The following ARAP3 variants were observed in gnomAD, a reference collection of about 807,000 sequenced individuals.
ARAP3 encodes the protein arf-GAP with Rho-GAP domain, ANK repeat and PH domain-containing protein 3.
A neutral mutation model predicts 169.2 loss-of-function variants in ARAP3; 82 were observed. That is an observed-to-expected ratio of 0.48 (90% CI 0.41 to 0.58). The LOEUF is 0.58. Among genes scored for constraint, ARAP3 ranks in the 20% least tolerant of loss-of-function variants. The pLI, the probability that ARAP3 is intolerant of heterozygous loss-of-function variation, is 0.00. For synonymous variants in ARAP3, 791 were observed against 800.3 expected, an observed-to-expected ratio of 0.99 and a Z score of 0.20; for missense variants, 1,764 against 2,018.0, an observed-to-expected ratio of 0.87 and a Z score of 2.41.
In ARAP3 at chr5:141,662,383, A is replaced by G. The variant is rs542914905; in HGVS notation, c.2801-128T>C. On this transcript the variant is annotated intron_variant, in intron 19 of 32. Coordinates refer to ENST00000239440, the MANE Select transcript of ARAP3 (RefSeq NM_022481.6). ...ATGGGATTCAGAGAGGAGGAGATCTATGCCTCCATGTTCTTGATTCTCAGG... is the reference window on the plus strand; with the variant it reads ...ATGGGATTCAGAGAGGAGGAGATCTGTGCCTCCATGTTCTTGATTCTCAGG... 4 of 836,174 alleles carry G rather than the reference A, an allele frequency of 4.8e-6. No individual in the cohort carries two copies. The African/African-American group carries it at 6.8e-5, about 14-fold the overall frequency. 51.8% of individuals were successfully genotyped at this position (836,174 alleles called of 1,614,324 possible). A position where few individuals can be genotyped will look rare whatever the true frequency, so the allele number is the denominator to read the frequency against.
intron 27 of ARAP3, 49 bp downstream of exon 27, chr5:141,656,455 C>T (rs751579549): frequency 1.3e-5 from 21 of 1,595,102 alleles, no homozygotes; most frequent in African/African-American, 4.0e-5. Flanking sequence ...AGTCATGGCT[C>T]CTCTCCATGG....
chr5:141,669,948 G>A lies in ARAP3; in HGVS notation c.2223C>T (p.Ser741=). The A allele has an allele frequency of 2.5e-6, 4 of 1,600,282 alleles. No homozygotes were observed. The highest frequency in any genetic ancestry group is 3.4e-6 in the Non-Finnish European group (4 of 1,173,566). ...QPQDIVCLGV[S]PPPTDPGDRF... is the part of the protein sequence containing the mutation. The stretch of plus-strand genomic sequence containing the variant: ...TGTCACCTGGGTCAGTGGGTGGGGG[G>A]CTCACACCCAGACATACAATATCCT... Residue 741 remains serine (S), a synonymous_variant, in exon 15 of 33, where the codon AGC becomes AGT. Coordinates refer to ENST00000239440, the MANE Select transcript of ARAP3 (RefSeq NM_022481.6).
intron 19 of ARAP3, among the ~76,000 whole-genome samples, chr5:141,663,738 A>T (rs1036543823): frequency 3.9e-4 from 59 of 152,362 alleles, no homozygotes; most frequent in Admixed American, 2.6e-4. Flanking sequence ...GTTATTAGCC[A>T]CTGACTTTCC....
At chr5:141,678,976 G>A (rs2099912596) in intron 4 of ARAP3, among the ~76,000 whole-genome samples, 1 of 152,106 alleles carries the variant, frequency 6.6e-6, no homozygotes, top group African/African-American at 2.4e-5. Flanking sequence ...ATAAATATTT[G>A]TTGAATGAAA....
intron 21 of ARAP3, 53 bp downstream of exon 21, chr5:141,661,631 C>T: frequency 6.7e-7 from 1 of 1,487,008 alleles, no homozygotes; most frequent in Non-Finnish European, 9.3e-7. Flanking sequence ...AATGAAAGTG[C>T]AGGGTCAGAT....
At chr5:141,681,926 A>G (rs2099913058) in intron 1 of ARAP3, among the ~76,000 whole-genome samples, 1 of 142,818 alleles carries the variant, frequency 7.0e-6, no homozygotes, top group East Asian at 2.2e-4. Context: ...CGGGGCTGGG[A>G]GCTGAGGTGC....
Position 141,672,899 on chromosome 5 carries a change from G to C in ARAP3, c.1120C>G (p.Leu374Val). 1 of 1,609,414 alleles carries C rather than the reference G, an allele frequency of 6.2e-7. No individual in the cohort carries two copies. The highest frequency in any genetic ancestry group is 2.2e-5 in the East Asian group (1 of 44,702). The change falls in exon 8 of 33, where the codon CTG (leucine) becomes GTG (valine). Residue 374 changes from leucine (L) to valine (V), a missense_variant. Leu to Val is a conservative substitution (Grantham distance 32, BLOSUM62 1). Coordinates refer to ENST00000239440, the MANE Select transcript of ARAP3 (RefSeq NM_022481.6). The surrounding 1 kb of genome is among the most constrained non-coding windows in gnomAD (Gnocchi z 4.9). The part of the protein sequence containing the change: ...EAQRDMWCST[L>V]QSCLKEQRLL... The stretch of plus-strand genomic sequence containing the variant: ...CGCTGCTCCTTCAGACAGGACTGCA[G>C]CGTGGAGCACCACATGTCCCGCTGA...
rs1374239923 is a variant in ARAP3 at position 141,670,495 on chromosome 5, C to A, written c.2107+17G>T. ...CTTTCTGTCCCTGTATCCTCCCATC[C>A]CTTGGCTCCCCCTCACCATCCCGGC... On this transcript the variant is annotated intron_variant, in intron 14 of 32. Transcript: ENST00000239440. The A allele has an allele frequency of 6.2e-7, 1 of 1,609,204 alleles. No individual in the cohort carries two copies. The highest frequency in any genetic ancestry group is 1.3e-5 in the African/African-American group (1 of 74,818).
chr5:141,655,208 CA>C (rs2099909076), intron 32 of ARAP3, among the ~76,000 whole-genome samples, 153 bp downstream of exon 32: 1 of 132,162 alleles, frequency 7.6e-6, no homozygotes, highest in Non-Finnish European at 1.6e-5. Flanking sequence ...CACACACACA[CA>C]CACACCCTGA....
Position 141,656,490 on chromosome 5 carries a change from C to T in ARAP3, c.3789+14G>A, listed in dbSNP as rs376087570. 11 of 1,608,776 alleles carry T rather than the reference C, an allele frequency of 6.8e-6. No individual in the cohort carries two copies. In the African/African-American group the frequency reaches 9.4e-5, roughly 14 times the overall value. On this transcript the variant is annotated intron_variant, in intron 27 of 32. Coordinates refer to ENST00000239440, the MANE Select transcript of ARAP3 (RefSeq NM_022481.6). ...GCCACCCAGCATCCCACACCTCTGG[C>T]CCCAGGGCCTCACTTTCTTCTCCTT...
intron 16 of ARAP3, among the ~76,000 whole-genome samples, chr5:141,668,226 C>G (rs767557269): frequency 6.6e-6 from 1 of 151,908 alleles, no homozygotes; most frequent in Non-Finnish European, 1.5e-5. Flanking sequence ...TCCACCTCAG[C>G]CTCCCCAGTA....
Position 141,669,891 on chromosome 5 carries a change from G to A in ARAP3, c.2249+31C>T, listed in dbSNP as rs2099911199. 2.5e-6 allele frequency: 4 copies of A among 1,608,858 alleles called. No individual in the cohort carries two copies. The Middle Eastern group carries it at 4.9e-4, about 199-fold the overall frequency. Reference sequence around the variant, plus strand: ...GCTGGAGGTTGGGAAGAGAAAAGGGGGAAGCTCAGTGGTCACAGAAGGGCT... The same window carrying A: ...GCTGGAGGTTGGGAAGAGAAAAGGGAGAAGCTCAGTGGTCACAGAAGGGCT... On this transcript the variant is annotated intron_variant, in intron 15 of 32. Coordinates refer to ENST00000239440, the MANE Select transcript of ARAP3 (RefSeq NM_022481.6).
intron 32 of ARAP3, 80 bp from the exon 33 acceptor site, chr5:141,654,515 T>C: frequency 6.7e-7 from 1 of 1,497,386 alleles, no homozygotes; most frequent in Non-Finnish European, 8.9e-7. Context: ...ACTGAGCTCT[T>C]CCTCTGGGCC....
intron 23 of ARAP3, 72 bp downstream of exon 23, chr5:141,659,336 G>T: frequency 2.0e-5 from 29 of 1,442,614 alleles, no homozygotes; most frequent in Non-Finnish European, 2.8e-5. Context: ...TCCTCAACTG[G>T]GCAGAAAGTC....
At chr5:141,675,030 T>C (rs1246561280) in intron 4 of ARAP3, among the ~76,000 whole-genome samples, 2 of 152,240 alleles carry the variant, frequency 1.3e-5, no homozygotes, top group South Asian at 2.1e-4. Flanking sequence ...ACTTGTACAG[T>C]GAGGCCCGTA....
rs1162272731 is a variant in ARAP3 at position 141,672,880 on chromosome 5, T to G, written c.1139A>C (p.Glu380Ala). The change falls in exon 8 of 33, where the codon GAG (glutamate) becomes GCG (alanine). Residue 380 changes from glutamate (E) to alanine (A), a missense_variant. By Grantham distance (107) the Glu-to-Ala change is moderately radical. Transcript: ENST00000239440. The surrounding 1 kb of genome is among the most constrained non-coding windows in gnomAD (Gnocchi z 4.9). ...WCSTLQSCLKEQRLLGHPRPP... is the reference protein window; with the variant it reads ...WCSTLQSCLKAQRLLGHPRPP... The stretch of plus-strand genomic sequence containing the variant: ...CCGGGGGTGGCCCAGGAGGCGCTGC[T>G]CCTTCAGACAGGACTGCAGCGTGGA... The G allele has an allele frequency of 1.2e-6, 2 of 1,607,698 alleles. No individual in the cohort carries two copies. The highest frequency in any genetic ancestry group is 2.2e-5 in the South Asian group (2 of 90,450).
intron 6 of ARAP3, 57 bp from the exon 7 acceptor site, chr5:141,673,190 C>A: frequency 3.1e-6 from 5 of 1,609,426 alleles, no homozygotes; most frequent in Non-Finnish European, 4.3e-6. Flanking sequence ...TGTGTGCCAG[C>A]CCCTGGGTCC....
Position 141,656,634 on chromosome 5 carries a change from A to G in ARAP3, c.3659T>C (p.Ile1220Thr), listed in dbSNP as rs777692075. 1.5e-5 allele frequency: 24 copies of G among 1,613,486 alleles called. No homozygotes were observed. The highest frequency in any genetic ancestry group is 8.3e-5 in the Admixed American group (5 of 59,882). Residue 1220 changes from isoleucine (I) to threonine (T), a missense_variant, in exon 27 of 33, where the codon ATC (isoleucine) becomes ACC (threonine). Physicochemically the swap from Ile to Thr is moderately conservative, Grantham distance 89 (BLOSUM62 -1). This residue lies in a region of ARAP3 where 1,112 missense variants were observed against 1,285.7 expected (regional missense o/e 0.86). Transcript: ENST00000239440. ...LAQAGCLFTG[I>T]RRESPRVGLL... Reference sequence around the variant, plus strand: ...CCCCACCCGTGGGCTCTCACGTCGGATACCTGGGCATAGATGGGCAATCCT... The same window carrying G: ...CCCCACCCGTGGGCTCTCACGTCGGGTACCTGGGCATAGATGGGCAATCCT...
chr5:141,674,696 GA>G (rs1481253798), intron 4 of ARAP3, among the ~76,000 whole-genome samples: 1 of 152,276 alleles, frequency 6.6e-6, no homozygotes, highest in East Asian at 1.9e-4. Flanking sequence ...GACTTGGATG[GA>G]AAAGACGGGG....
Sources: gnomAD v4.1 joint callset for allele counts (sites outside exome capture counted in the v4.1 genomes callset) on GRCh38, gnomAD v4.1.1 for gene constraint, gnomAD v4.1.1 regional missense constraint, Gnocchi (gnomAD v3.1) non-coding constraint, MANE v1.5 for transcripts, NCBI Gene and HGNC (gene_info 2026-07-23, HGNC 2026-07-21) for gene names.